KAZN: variants seen among roughly 807,000 people sequenced by gnomAD.
The protein encoded by KAZN is kazrin.
Under a neutral mutation model 87.4 loss-of-function variants are expected in KAZN, and 40 were observed. The ratio of observed to expected loss-of-function variants is 0.46; its 90% CI spans 0.36 to 0.60. KAZN has a LOEUF of 0.60. Among genes scored for constraint, KAZN ranks in the 20% least tolerant of loss-of-function variants. The pLI is 0.00. For missense variants in KAZN, 898 were observed against 1,073.9 expected (o/e 0.84, Z 2.29); for synonymous variants, 466 against 458.3 (o/e 1.02, Z -0.22).
intron 1 of KAZN, among the ~76,000 whole-genome samples, chr1:13,956,159 A>C (rs1364069388): frequency 6.6e-6 from 1 of 152,180 alleles, no homozygotes; most frequent in African/African-American, 2.4e-5. Context: ...TCTCTAAATC[A>C]TTATTACATT....
intron 1 of KAZN, among the ~76,000 whole-genome samples, chr1:14,938,410 T>G (rs568119328): frequency 6.6e-6 from 1 of 152,030 alleles, no homozygotes; most frequent in Admixed American, 6.5e-5. Context: ...GGCGTGGTGG[T>G]GGACACCTGT....
chr1:13,984,885 ACTGTCACCACAAT>A (rs1465091332), intron 1 of KAZN, among the ~76,000 whole-genome samples: 33 of 152,374 alleles, frequency 2.2e-4, no homozygotes, highest in African/African-American at 7.7e-4. Context: ...GATATGTGCA[ACTGTCACCACAAT>A]CAATTTTAGG....
intron 1 of KAZN, among the ~76,000 whole-genome samples, chr1:14,931,040 G>C (rs764034352): frequency 6.6e-6 from 1 of 152,082 alleles, no homozygotes; most frequent in African/African-American, 2.4e-5. Context: ...GGGTGAACCC[G>C]TTTCCTCTAC....
At chr1:14,471,755 A>G (rs1668466814) in intron 2 of KAZN, among the ~76,000 whole-genome samples, 1 of 152,170 alleles carries the variant, frequency 6.6e-6, no homozygotes, top group Non-Finnish European at 1.5e-5. Context: ...ATAGGAAGAG[A>G]GAGCTAGGAG....
intron 2 of KAZN, among the ~76,000 whole-genome samples, chr1:14,228,561 C>T (rs1177132280): frequency 6.6e-6 from 1 of 152,072 alleles, no homozygotes; most frequent in African/African-American, 2.4e-5. Context: ...GCATCTCTGG[C>T]ACAATGGAGA....
intron 2 of KAZN, among the ~76,000 whole-genome samples, chr1:14,493,170 G>C (rs1324233744): frequency 6.6e-6 from 1 of 151,584 alleles, no homozygotes. Flanking sequence ...TTCTGCCTCG[G>C]GGAATCTTAG....
chr1:14,514,248 C>T (rs1238724150), intron 2 of KAZN, among the ~76,000 whole-genome samples: 2 of 134,958 alleles, frequency 1.5e-5, no homozygotes, highest in African/African-American at 5.6e-5. Context: ...TGGCGTGAAC[C>T]CGGGAGGCGG....
intron 2 of KAZN, among the ~76,000 whole-genome samples, chr1:14,323,573 GTTCAT>G (rs1368841595): frequency 6.6e-6 from 1 of 152,088 alleles, no homozygotes; most frequent in African/African-American, 2.4e-5. Flanking sequence ...CACATCCACT[GTTCAT>G]TTCAAGATAA....
chr1:14,022,547 C>T (rs890957090), intron 1 of KAZN, among the ~76,000 whole-genome samples: 4 of 116,010 alleles, frequency 3.4e-5, no homozygotes, highest in Admixed American at 1.7e-4. Context: ...AAATAACAAA[C>T]AAAAACTGTG....
chr1:14,616,011 A>T (rs977810413), intron 1 of KAZN, among the ~76,000 whole-genome samples: 11 of 152,162 alleles, frequency 7.2e-5, no homozygotes, highest in Admixed American at 7.2e-4. Flanking sequence ...CATGCGCAGG[A>T]GAGACACTTG....
chr1:14,900,431 G>A (rs565428428), intron 1 of KAZN, among the ~76,000 whole-genome samples: 1 of 152,102 alleles, frequency 6.6e-6, no homozygotes, highest in Non-Finnish European at 1.5e-5. Context: ...TGACCCCATA[G>A]GGTCATCAGA....
intron 2 of KAZN, among the ~76,000 whole-genome samples, chr1:14,517,419 A>C (rs1466460739): frequency 6.6e-6 from 1 of 152,208 alleles, no homozygotes; most frequent in Non-Finnish European, 1.5e-5. Context: ...ACCCGAAGCT[A>C]AATCTGCCCC....
chr1:14,255,633 C>G (rs1234290712), intron 2 of KAZN, among the ~76,000 whole-genome samples: 1 of 152,138 alleles, frequency 6.6e-6, no homozygotes, highest in African/African-American at 2.4e-5. Flanking sequence ...TGACATCAGC[C>G]AAAATAAAAG....
At chr1:14,725,040 G>A (rs1460199757) in intron 1 of KAZN, among the ~76,000 whole-genome samples, 1 of 152,194 alleles carries the variant, frequency 6.6e-6, no homozygotes, top group Non-Finnish European at 1.5e-5. Flanking sequence ...GGTGTAAACA[G>A]GACTTCGACC....
chr1:14,928,223 G>A (rs6429688), intron 1 of KAZN, among the ~76,000 whole-genome samples: 48,588 of 151,728 alleles, frequency 0.32, 8,591 homozygotes, highest in African/African-American at 0.47. Context: ...GGCCGAGGCG[G>A]GCGGATCACG....
chr1:14,996,824 A>G lies in KAZN; in HGVS notation c.418+35949A>G, dbSNP rs1001853378. On this transcript the variant is annotated intron_variant, in intron 2 of 14. Coordinates refer to ENST00000376030, the MANE Select transcript of KAZN (RefSeq NM_201628.3). This position sits in a 1 kb window ranked among gnomAD's most constrained non-coding sequence, Gnocchi z 5.9. ...CCGCTCCTGGTGCTCCAGGGCCTGC[A>G]TGTGGGGCACTGGGAGGGAGGGCCG... Among the ~76,000 whole-genome samples, 1 of 152,156 alleles carries G rather than the reference A, an allele frequency of 6.6e-6. No homozygotes were observed. Among genetic ancestry groups the G allele is most frequent in the African/African-American group, 2.4e-5 (1 of 41,450 alleles).
intron 5 of KAZN, among the ~76,000 whole-genome samples, chr1:15,058,025 C>A (rs954726314): frequency 1.3e-5 from 2 of 152,202 alleles, no homozygotes; most frequent in African/African-American, 2.4e-5. Flanking sequence ...TTATCAGACA[C>A]CCCCTCCTCC....
chr1:14,256,747 A>G (rs78411082), intron 2 of KAZN, among the ~76,000 whole-genome samples: 3,359 of 152,328 alleles, frequency 0.022, 127 homozygotes, highest in African/African-American at 0.075. Context: ...AATTGTCAGC[A>G]GGATTAAATG....
At chr1:15,105,320 C>T (rs1641256103) in intron 13 of KAZN, among the ~76,000 whole-genome samples, 1 of 152,182 alleles carries the variant, frequency 6.6e-6, no homozygotes, top group South Asian at 2.1e-4. Context: ...AGCTTTTTGA[C>T]TTCTAATTCA....
Sources: allele counts gnomAD v4.1 joint callset (sites outside exome capture counted in the v4.1 genomes callset), GRCh38; gene constraint gnomAD v4.1.1; non-coding constraint Gnocchi (gnomAD v3.1); transcripts MANE v1.5; gene names NCBI Gene and HGNC (gene_info 2026-07-23, HGNC 2026-07-21).